The following B3GLCT variants were observed in gnomAD, a reference collection of about 807,000 sequenced individuals.
B3GLCT encodes beta-1,3-glucosyltransferase.
B3GLCT carries 65 observed loss-of-function variants against 63.4 expected under a neutral mutation model. The observed-to-expected ratio is 1.03, with a 90% CI of 0.84 to 1.26. B3GLCT has a LOEUF of 1.26. Among genes scored for constraint, B3GLCT ranks in the 50% most tolerant of loss-of-function variants. The probability of loss-of-function intolerance (pLI) is 0.00; values close to 1 mark genes in which losing one functional copy is unlikely to be tolerated. For missense variants in B3GLCT, 577 were observed against 604.8 expected (o/e 0.95, Z 0.48); for synonymous variants, 233 against 219.2 (o/e 1.06, Z -0.55).
At chr13:31,326,876 A>T (rs1314537974) in intron 14 of B3GLCT, among the ~76,000 whole-genome samples, 1 of 152,258 alleles carries the variant, frequency 6.6e-6, no homozygotes, top group Non-Finnish European at 1.5e-5. Flanking sequence ...CTTTTAATGC[A>T]TGTATAGCCT....
chr13:31,301,548 G>C (rs559021717), intron 12 of B3GLCT, among the ~76,000 whole-genome samples: 7 of 152,130 alleles, frequency 4.6e-5, no homozygotes, highest in African/African-American at 1.7e-4. Flanking sequence ...CCTAACAACC[G>C]TTACACTTTT....
intron 8 of B3GLCT, among the ~76,000 whole-genome samples, chr13:31,273,083 C>CT: frequency 6.6e-6 from 1 of 151,984 alleles, no homozygotes; most frequent in African/African-American, 2.4e-5. Flanking sequence ...AATTATTTTT[C>CT]TTTTTTCTTT....
intron 4 of B3GLCT, among the ~76,000 whole-genome samples, chr13:31,234,885 TAG>T (rs1870571205): frequency 1.3e-5 from 2 of 152,048 alleles, no homozygotes; most frequent in African/African-American, 4.8e-5. Flanking sequence ...GTAGACCTGG[TAG>T]AGTTTGTGTT....
At chr13:31,204,203 A>T (rs1191869920) in intron 1 of B3GLCT, among the ~76,000 whole-genome samples, 1 of 152,196 alleles carries the variant, frequency 6.6e-6, no homozygotes, top group Non-Finnish European at 1.5e-5. Flanking sequence ...ATGGATCTCA[A>T]CAGGGAGCCA....
At chr13:31,243,393 A>G (rs1283393483) in intron 4 of B3GLCT, among the ~76,000 whole-genome samples, 2 of 152,220 alleles carry the variant, frequency 1.3e-5, no homozygotes, top group Non-Finnish European at 1.5e-5. Context: ...ACATGCAGAA[A>G]AACTAAAATG....
chr13:31,261,356 T>C (rs957564096), intron 7 of B3GLCT, among the ~76,000 whole-genome samples: 3 of 152,224 alleles, frequency 2.0e-5, no homozygotes, highest in Admixed American at 6.5e-5. Context: ...GAACACAGAA[T>C]TGCTCTGAGA....
intron 14 of B3GLCT, 58 bp from the exon 15 acceptor site, chr13:31,329,443 T>A: frequency 6.3e-7 from 1 of 1,598,318 alleles, no homozygotes. Context: ...CAAATGCTCT[T>A]CTGCAGCAAA....
chr13:31,262,903 T>C (rs1337339315), intron 7 of B3GLCT, among the ~76,000 whole-genome samples: 1 of 152,196 alleles, frequency 6.6e-6, no homozygotes, highest in Non-Finnish European at 1.5e-5. Context: ...GGCTGTGATT[T>C]TTCTGACTTG....
intron 4 of B3GLCT, among the ~76,000 whole-genome samples, chr13:31,231,444 C>T (rs1870376932): frequency 6.6e-6 from 1 of 152,182 alleles, no homozygotes; most frequent in Non-Finnish European, 1.5e-5. Context: ...TATGTATCTT[C>T]CCCATTTAAT....
At chr13:31,328,582 A>G (rs1382211310) in intron 14 of B3GLCT, among the ~76,000 whole-genome samples, 2 of 149,634 alleles carry the variant, frequency 1.3e-5, no homozygotes, top group African/African-American at 4.9e-5. Flanking sequence ...AATCCCAGCT[A>G]CTTGGGAGGC....
At chr13:31,248,133 G>T (rs1871276115) in intron 6 of B3GLCT, among the ~76,000 whole-genome samples, 167 bp downstream of exon 6, 1 of 152,172 alleles carries the variant, frequency 6.6e-6, no homozygotes, top group African/African-American at 2.4e-5. Flanking sequence ...GCTCTTTGAA[G>T]TTTGTAGCTT....
chr13:31,236,174 G>A (rs375299670), intron 4 of B3GLCT, among the ~76,000 whole-genome samples: 221 of 152,304 alleles, frequency 1.5e-3, no homozygotes, highest in African/African-American at 5.1e-3. Context: ...CGCATAGCAC[G>A]TAGTGGATTG....
At chr13:31,311,220 A>G (rs545002292) in intron 12 of B3GLCT, 1 of 152,382 alleles carries the variant, frequency 6.6e-6, no homozygotes, top group Admixed American at 6.5e-5. Context: ...ATGTAAACCA[A>G]TATATATGTA....
intron 13 of B3GLCT, among the ~76,000 whole-genome samples, chr13:31,321,879 G>A (rs1489444323): frequency 6.6e-6 from 1 of 152,108 alleles, no homozygotes; most frequent in Non-Finnish European, 1.5e-5. Context: ...AGGGGCAGGA[G>A]GTGTTTGGTT....
At chr13:31,292,444 CTTTG>C (rs985719372) in intron 12 of B3GLCT, among the ~76,000 whole-genome samples, 2 of 152,092 alleles carry the variant, frequency 1.3e-5, no homozygotes, top group African/African-American at 2.4e-5. Context: ...TGGTTCTGGG[CTTTG>C]TTTGGTTGGT....
intron 1 of B3GLCT, among the ~76,000 whole-genome samples, chr13:31,213,209 CTT>C (rs1869367445): frequency 6.6e-6 from 1 of 152,172 alleles, no homozygotes; most frequent in African/African-American, 2.4e-5. Context: ...ATAGTGAAGA[CTT>C]TCACTCATTC....
intron 4 of B3GLCT, among the ~76,000 whole-genome samples, chr13:31,245,804 A>G (rs1217946963): frequency 2.6e-5 from 4 of 152,160 alleles, no homozygotes; most frequent in Non-Finnish European, 2.9e-5. Context: ...TAAAAAGACA[A>G]TGAAAATTAC....
At chr13:31,317,291 C>T (rs561656431) in intron 12 of B3GLCT, among the ~76,000 whole-genome samples, 2 of 152,196 alleles carry the variant, frequency 1.3e-5, no homozygotes, top group Admixed American at 6.5e-5. Context: ...AATCAGGCAG[C>T]CGTATTATGG....
intron 6 of B3GLCT, among the ~76,000 whole-genome samples, chr13:31,255,181 T>C (rs1871674616): frequency 6.6e-6 from 1 of 151,994 alleles, no homozygotes; most frequent in Non-Finnish European, 1.5e-5. Context: ...AGCCAAATCA[T>C]GAATGAACTC....
Sources: gnomAD v4.1 joint callset for allele counts (sites outside exome capture counted in the v4.1 genomes callset) on GRCh38, gnomAD v4.1.1 for gene constraint, MANE v1.5 for transcripts, NCBI Gene and HGNC (gene_info 2026-07-23, HGNC 2026-07-21) for gene names.